Variants in MAML3 observed in about 807,000 individuals in gnomAD.
The protein encoded by MAML3 is mastermind-like protein 3.
MAML3 carries 27 observed loss-of-function variants against 101.9 expected under a neutral mutation model. That is an observed-to-expected ratio of 0.27 (90% CI 0.20 to 0.37). The LOEUF is 0.37. Among genes scored for constraint, MAML3 ranks in the 10% least tolerant of loss-of-function variants. The probability of loss-of-function intolerance (pLI) is 1.00; values close to 1 mark genes in which losing one functional copy is unlikely to be tolerated. For missense variants in MAML3, 1,316 were observed against 1,444.9 expected, an observed-to-expected ratio of 0.91 and a Z score of 1.45; for synonymous variants, 501 against 555.9, an observed-to-expected ratio of 0.90 and a Z score of 1.39.
chr4:140,093,482 T>C (rs996303541), intron 1 of MAML3, among the ~76,000 whole-genome samples: 4 of 150,460 alleles, frequency 2.7e-5, no homozygotes, highest in Non-Finnish European at 3.0e-5. Flanking sequence ...AGTGGCACTA[T>C]CTCGGCTCAC....
intron 2 of MAML3, among the ~76,000 whole-genome samples, chr4:139,754,539 T>C (rs1189479960): frequency 6.6e-6 from 1 of 152,266 alleles, no homozygotes; most frequent in African/African-American, 2.4e-5. Flanking sequence ...CACTACTTTA[T>C]GCTGAAATGA....
chr4:140,004,237 C>T (rs1726398875), intron 1 of MAML3, among the ~76,000 whole-genome samples: 1 of 152,172 alleles, frequency 6.6e-6, no homozygotes, highest in Non-Finnish European at 1.5e-5. Context: ...AATATTCTCA[C>T]CCCAGAATAT....
At chr4:140,048,545 T>G (rs1426610540) in intron 1 of MAML3, among the ~76,000 whole-genome samples, 1 of 151,136 alleles carries the variant, frequency 6.6e-6, no homozygotes, top group Non-Finnish European at 1.5e-5. Flanking sequence ...ATCTGTTTTG[T>G]CCTAAGGTCA....
chr4:139,987,375 G>A (rs1459997973), intron 1 of MAML3, among the ~76,000 whole-genome samples: 1 of 152,154 alleles, frequency 6.6e-6, no homozygotes, highest in Non-Finnish European at 1.5e-5. Context: ...AATACTGCTG[G>A]TCACCATAGC....
intron 2 of MAML3, among the ~76,000 whole-genome samples, chr4:139,755,073 G>A (rs1729617573): frequency 1.3e-5 from 2 of 152,226 alleles, no homozygotes; most frequent in African/African-American, 4.8e-5. Flanking sequence ...TCTGCTCAGA[G>A]CAAGGCCCCG....
intron 1 of MAML3, among the ~76,000 whole-genome samples, chr4:140,116,128 G>A (rs1728512688): frequency 6.6e-6 from 1 of 152,040 alleles, no homozygotes; most frequent in South Asian, 2.1e-4. Context: ...TGCTGAATAG[G>A]TTAAATGTCC....
chr4:139,800,429 T>C (rs1730583919), intron 2 of MAML3, among the ~76,000 whole-genome samples: 2 of 152,314 alleles, frequency 1.3e-5, no homozygotes, highest in South Asian at 2.1e-4. Flanking sequence ...CAAATACCTG[T>C]GCACTTAGTA....
intron 2 of MAML3, among the ~76,000 whole-genome samples, chr4:139,743,113 C>A (rs1729216327): frequency 1.3e-5 from 2 of 152,210 alleles, no homozygotes; most frequent in Admixed American, 1.3e-4. Flanking sequence ...CTCTGCTTCC[C>A]AGATCCAGGC....
chr4:140,072,015 C>T (rs1174042153), intron 1 of MAML3, among the ~76,000 whole-genome samples: 2 of 152,068 alleles, frequency 1.3e-5, no homozygotes, highest in Non-Finnish European at 2.9e-5. Context: ...CTGTTGTGAT[C>T]CAAAAAGCAA....
At chr4:139,899,701 C>T (rs1732679619) in intron 1 of MAML3, among the ~76,000 whole-genome samples, 1 of 152,188 alleles carries the variant, frequency 6.6e-6, no homozygotes, top group Non-Finnish European at 1.5e-5. Context: ...CGAAGCCTCC[C>T]TTGGTAATCT....
At chr4:139,793,869 ATAT>A (rs1560796145) in intron 2 of MAML3, among the ~76,000 whole-genome samples, 1 of 152,240 alleles carries the variant, frequency 6.6e-6, no homozygotes, top group African/African-American at 2.4e-5. Context: ...CCCTAGGAGA[ATAT>A]TATTATGGTT....
intron 3 of MAML3, among the ~76,000 whole-genome samples, chr4:139,729,156 C>CAAAAAAAAAAAAAAAAAAAAAAAA (rs4057275): frequency 1.2e-5 from 1 of 81,704 alleles, no homozygotes; most frequent in Non-Finnish European, 2.3e-5. Context: ...GGAACAAAAG[C>CAAAAAAAAAAAAAAAAAAAAAAAA]AAAAAAAAAA....
Position 140,000,162 on chromosome 4 carries a change from A to G in MAML3, c.469-109195T>C, listed in dbSNP as rs369772434. On this transcript the variant is annotated intron_variant, in intron 1 of 4. Transcript: ENST00000509479. ...GATTGAGATGTTGCTAAGGTTAAAC[A>G]GCAATACCATTTGATTAATATATTA... Among the ~76,000 whole-genome samples the G allele has an allele frequency of 1.9e-4, 29 of 152,374 alleles. No homozygotes were observed. The East Asian group carries it at 2.5e-3, about 13-fold the overall frequency.
chr4:139,870,259 C>G (rs150459809), intron 2 of MAML3, among the ~76,000 whole-genome samples: 37 of 152,278 alleles, frequency 2.4e-4, no homozygotes, highest in African/African-American at 8.4e-4. Context: ...CTCTTACCCA[C>G]TAGGTGCCAG....
chr4:140,019,547 C>G (rs1308409618), intron 1 of MAML3, among the ~76,000 whole-genome samples: 2 of 152,240 alleles, frequency 1.3e-5, no homozygotes, highest in Non-Finnish European at 2.9e-5. Flanking sequence ...CTCATTCACC[C>G]AGATGACTGG....
At chr4:140,076,774 G>A (rs1394423161) in intron 1 of MAML3, among the ~76,000 whole-genome samples, 3 of 152,234 alleles carry the variant, frequency 2.0e-5, no homozygotes, top group African/African-American at 4.8e-5. Flanking sequence ...GCTGCCACAA[G>A]TTGCCATTTC....
intron 1 of MAML3, among the ~76,000 whole-genome samples, chr4:140,074,001 G>A (rs1173548015): frequency 6.6e-6 from 1 of 151,798 alleles, no homozygotes; most frequent in Non-Finnish European, 1.5e-5. Flanking sequence ...GCATGGTGGC[G>A]CTCACCTGTA....
chr4:139,748,629 G>A (rs1560781519), intron 2 of MAML3, among the ~76,000 whole-genome samples: 2 of 147,192 alleles, frequency 1.4e-5, no homozygotes. Context: ...TCAGGATGAG[G>A]TTCAGCTTGA....
chr4:139,754,314 A>G (rs1729598906), intron 2 of MAML3, among the ~76,000 whole-genome samples: 1 of 152,234 alleles, frequency 6.6e-6, no homozygotes, highest in Non-Finnish European at 1.5e-5. Flanking sequence ...TTTATCCACT[A>G]TGGAAAATGT....
Sources: gnomAD v4.1 joint callset for allele counts (sites outside exome capture counted in the v4.1 genomes callset) on GRCh38, gnomAD v4.1.1 for gene constraint, MANE v1.5 for transcripts, NCBI Gene and HGNC (gene_info 2026-07-23, HGNC 2026-07-21) for gene names.